The following PTPRG variants were observed in gnomAD, a reference collection of about 807,000 sequenced individuals.
The protein encoded by PTPRG is protein tyrosine phosphatase receptor type G, also known as receptor-type tyrosine-protein phosphatase gamma.
A neutral mutation model predicts 165.3 loss-of-function variants in PTPRG; 102 were observed. That is an observed-to-expected ratio of 0.62 (90% CI 0.53 to 0.73). The LOEUF is 0.73. Ranked by LOEUF, PTPRG falls within the 30% of genes least tolerant of loss-of-function variation. The probability of loss-of-function intolerance (pLI) is 0.00; values close to 1 mark genes in which losing one functional copy is unlikely to be tolerated. For missense variants in PTPRG, 1,866 were observed against 1,861.4 expected, an observed-to-expected ratio of 1.00 and a Z score of -0.05; for synonymous variants, 675 against 669.5, an observed-to-expected ratio of 1.01 and a Z score of -0.13.
intron 4 of PTPRG, among the ~76,000 whole-genome samples, chr3:62,025,595 TC>T (rs1433901145): frequency 6.6e-6 from 1 of 152,216 alleles, no homozygotes; most frequent in Non-Finnish European, 1.5e-5. Flanking sequence ...GTAATTTTTT[TC>T]CCTTTTAAGT....
At chr3:61,769,396 C>T (rs2034136798) in intron 2 of PTPRG, 2 of 152,222 alleles carry the variant, frequency 1.3e-5, no homozygotes, top group South Asian at 4.1e-4. Context: ...ACCTCAGCTT[C>T]CTGAGTAGCT....
intron 13 of PTPRG, among the ~76,000 whole-genome samples, chr3:62,230,852 A>G (rs186159281): frequency 5.1e-4 from 77 of 152,356 alleles, no homozygotes; most frequent in African/African-American, 1.7e-3. Context: ...CTTTACTCCA[A>G]TGATATTTTA....
chr3:61,733,979 G>C lies in PTPRG; in HGVS notation c.86-14899G>C, dbSNP rs936634117. On this transcript the variant is annotated intron_variant, in intron 1 of 29. Coordinates refer to ENST00000474889, the MANE Select transcript of PTPRG (RefSeq NM_002841.4). ...TACCTGGCTAATTTTTGTATTTTTT[G>C]TAGAGATGGGTCTATCATGTTTCCC... Among the ~76,000 whole-genome samples, 3 of 152,058 alleles carry C rather than the reference G, an allele frequency of 2.0e-5. No homozygotes were observed. The East Asian group carries it at 5.8e-4, about 29-fold the overall frequency.
chr3:61,915,966 G>C (rs1205418474), intron 2 of PTPRG, among the ~76,000 whole-genome samples: 1 of 152,170 alleles, frequency 6.6e-6, no homozygotes, highest in Non-Finnish European at 1.5e-5. Flanking sequence ...CTGGGTGTGG[G>C]TCACTTTGCA....
intron 2 of PTPRG, among the ~76,000 whole-genome samples, chr3:61,811,167 C>G (rs2035562823): frequency 6.6e-6 from 1 of 151,986 alleles, no homozygotes; most frequent in African/African-American, 2.4e-5. Flanking sequence ...TTGTGATGCT[C>G]TTTGGTCAGT....
At chr3:62,088,088 G>A (rs1701808817) in intron 5 of PTPRG, among the ~76,000 whole-genome samples, 1 of 152,222 alleles carries the variant, frequency 6.6e-6, no homozygotes, top group African/African-American at 2.4e-5. Flanking sequence ...AATGGCAGCA[G>A]TTCTGAAGTG....
intron 2 of PTPRG, among the ~76,000 whole-genome samples, chr3:61,934,181 A>G (rs908096954): frequency 2.0e-5 from 3 of 152,224 alleles, no homozygotes; most frequent in African/African-American, 7.2e-5. Flanking sequence ...CATCACATTA[A>G]GTTTTATATA....
intron 1 of PTPRG, among the ~76,000 whole-genome samples, chr3:61,654,993 G>T (rs1012475301): frequency 4.0e-5 from 6 of 150,032 alleles, no homozygotes; most frequent in African/African-American, 1.2e-4. Flanking sequence ...CACCATGTTG[G>T]CCAGGCTGGT....
In PTPRG at chr3:61,943,331, A is replaced by G. The variant is rs1013820441; in HGVS notation, c.191-46294A>G. On this transcript the variant is annotated intron_variant, in intron 2 of 29. Coordinates refer to ENST00000474889, the MANE Select transcript of PTPRG (RefSeq NM_002841.4). ...AGGCTGGACGTGGTGGCTCACGCCT[A>G]TAATCCTAGCACTTTGGGAGGCTGA... Among the ~76,000 whole-genome samples, 6 of 152,312 alleles carry G rather than the reference A, an allele frequency of 3.9e-5. No individual in the cohort carries two copies. In the South Asian group the frequency reaches 8.3e-4, roughly 21 times the overall value.
intron 1 of PTPRG, among the ~76,000 whole-genome samples, chr3:61,605,957 A>G (rs1319439707): frequency 6.6e-6 from 1 of 152,260 alleles, no homozygotes; most frequent in Non-Finnish European, 1.5e-5. Flanking sequence ...TTAAAAGGGC[A>G]TGAGGTCCCA....
At chr3:61,681,578 A>G (rs1412980778) in intron 1 of PTPRG, among the ~76,000 whole-genome samples, 1 of 152,100 alleles carries the variant, frequency 6.6e-6, no homozygotes, top group Non-Finnish European at 1.5e-5. Flanking sequence ...ATATTTCCCA[A>G]TATATGCTTC....
At position 62,222,876 on chromosome 3, in the gene PTPRG, G is replaced by T. The variant is rs1383000270; in HGVS notation, c.2288+3893G>T. ...TCACAGTCCATTGGAAGAGGCAGAT[G>T]AGTAAATAGAATTGAGTATGGGGAG... On this transcript the variant is annotated intron_variant, in intron 13 of 29. Coordinates refer to ENST00000474889, the MANE Select transcript of PTPRG (RefSeq NM_002841.4). This position sits in a 1 kb window ranked among gnomAD's most constrained non-coding sequence, Gnocchi z 4.5. Among the ~76,000 whole-genome samples, 1 of 152,102 alleles carries T rather than the reference G, an allele frequency of 6.6e-6. No individual in the cohort carries two copies. Among genetic ancestry groups the T allele is most frequent in the Non-Finnish European group, 1.5e-5 (1 of 68,018 alleles).
At chr3:61,715,997 T>C (rs1158927891) in intron 1 of PTPRG, among the ~76,000 whole-genome samples, 2 of 152,066 alleles carry the variant, frequency 1.3e-5, no homozygotes, top group Non-Finnish European at 2.9e-5. Context: ...AGGAGCATAA[T>C]GACATACTGG....
At chr3:62,135,870 C>G (rs181108967) in intron 6 of PTPRG, among the ~76,000 whole-genome samples, 160 of 152,306 alleles carry the variant, frequency 1.1e-3, no homozygotes, top group African/African-American at 3.6e-3. Flanking sequence ...AGAGCAAAGA[C>G]TGCCCCTGAA....
At chr3:61,631,712 A>C (rs1410103019) in intron 1 of PTPRG, among the ~76,000 whole-genome samples, 2 of 152,222 alleles carry the variant, frequency 1.3e-5, no homozygotes, top group African/African-American at 4.8e-5. Context: ...AAATACTATA[A>C]AAGTGCTTAT....
At chr3:62,041,113 G>C (rs1700114529) in intron 4 of PTPRG, among the ~76,000 whole-genome samples, 1 of 152,186 alleles carries the variant, frequency 6.6e-6, no homozygotes, top group African/African-American at 2.4e-5. Context: ...GTGGTTGTGA[G>C]AATTAAAGGA....
At chr3:61,909,501 C>T (rs969170726) in intron 2 of PTPRG, among the ~76,000 whole-genome samples, 14 of 152,120 alleles carry the variant, frequency 9.2e-5, no homozygotes, top group African/African-American at 2.9e-4. Flanking sequence ...AGGTGCACCA[C>T]CACACCTGAC....
chr3:61,964,255 G>T (rs1182692555), intron 2 of PTPRG, among the ~76,000 whole-genome samples: 1 of 152,188 alleles, frequency 6.6e-6, no homozygotes, highest in Non-Finnish European at 1.5e-5. Context: ...CAAAGATATT[G>T]GCAGGATGGC....
intron 2 of PTPRG, among the ~76,000 whole-genome samples, chr3:61,879,557 GTTAC>G (rs759304722): frequency 6.6e-6 from 1 of 152,012 alleles, no homozygotes; most frequent in South Asian, 2.1e-4. Flanking sequence ...TCAGTCATAT[GTTAC>G]TTAATGACAG....
Sources: gnomAD v4.1 joint callset for allele counts (sites outside exome capture counted in the v4.1 genomes callset) on GRCh38, gnomAD v4.1.1 for gene constraint, Gnocchi (gnomAD v3.1) non-coding constraint, MANE v1.5 for transcripts, NCBI Gene and HGNC (gene_info 2026-07-23, HGNC 2026-07-21) for gene names.